The following SNX13 variants were observed in gnomAD, a reference collection of about 807,000 sequenced individuals.
SNX13 encodes the protein sorting nexin-13.
In SNX13, 45 loss-of-function variants were observed where a neutral mutation model predicts 133.6. The observed-to-expected ratio is 0.34, with a 90% CI of 0.27 to 0.43. The LOEUF (loss-of-function observed/expected upper bound fraction) is 0.43. Among genes scored for constraint, SNX13 ranks in the 20% least tolerant of loss-of-function variants. The pLI is 1.00. For synonymous variants in SNX13, 414 were observed against 373.9 expected, an observed-to-expected ratio of 1.11 and a Z score of -1.24; for missense variants, 1,032 against 1,145.1, an observed-to-expected ratio of 0.90 and a Z score of 1.43.
intron 1 of SNX13, among the ~76,000 whole-genome samples, chr7:17,914,852 C>G (rs1377119224): frequency 3.9e-5 from 6 of 152,138 alleles, no homozygotes; most frequent in African/African-American, 1.4e-4. Flanking sequence ...AACACTATGG[C>G]AGGAACAAAA....
At chr7:17,871,310 A>C (rs992074142) in intron 8 of SNX13, among the ~76,000 whole-genome samples, 3 of 152,106 alleles carry the variant, frequency 2.0e-5, no homozygotes, top group Admixed American at 2.0e-4. Flanking sequence ...TGGCCAAGGA[A>C]TCATTCTTAA....
chr7:17,803,335 C>T (rs1784842289), intron 21 of SNX13, 84 bp downstream of exon 21: 7 of 1,286,952 alleles, frequency 5.4e-6, no homozygotes, highest in Non-Finnish European at 7.4e-6. Context: ...GGTTAAGGGA[C>T]TAAGGTAAAT....
rs77063647 is a variant in SNX13, at chr7:17,859,184, C to CA, written c.838-8221dup. 4.6e-5 allele frequency among the ~76,000 whole-genome samples: 7 copies of CA among 151,894 alleles called. No individual in the cohort carries two copies. The East Asian group carries it at 1.2e-3, about 25-fold the overall frequency. On this transcript the variant is annotated intron_variant, in intron 9 of 25. Transcript: ENST00000428135. ...GTCATAACCTAGGGAATAATATCTG[C>CA]AATACATATATCTGATAAAGAACTT...
intron 13 of SNX13, among the ~76,000 whole-genome samples, chr7:17,839,372 T>C (rs926489798): frequency 1.3e-5 from 2 of 151,782 alleles, no homozygotes; most frequent in Non-Finnish European, 2.9e-5. Flanking sequence ...ACTATAACCG[T>C]TGAATTGTCT....
chr7:17,875,624 A>G (rs776096344), intron 6 of SNX13, 43 bp from the exon 7 acceptor site: 1 of 1,607,650 alleles, frequency 6.2e-7, no homozygotes, highest in Non-Finnish European at 8.5e-7. Flanking sequence ...ATGAAAGGAA[A>G]ACAGATTTTC....
At chr7:17,896,672 A>G (rs139317831) in intron 2 of SNX13, among the ~76,000 whole-genome samples, 5 of 152,252 alleles carry the variant, frequency 3.3e-5, no homozygotes, top group Non-Finnish European at 7.4e-5. Flanking sequence ...CATTTCAACT[A>G]AGCTATTTTG....
intron 1 of SNX13, among the ~76,000 whole-genome samples, chr7:17,904,471 A>G (rs1305095937): frequency 6.6e-6 from 1 of 152,182 alleles, no homozygotes; most frequent in Non-Finnish European, 1.5e-5. Flanking sequence ...TCAGGTGTAG[A>G]TTATCCTGGT....
At chr7:17,806,371 T>G (rs1785299599) in intron 20 of SNX13, among the ~76,000 whole-genome samples, 1 of 152,228 alleles carries the variant, frequency 6.6e-6, no homozygotes, top group African/African-American at 2.4e-5. Context: ...AAGTTCTGAA[T>G]AGCCATTGAT....
intron 15 of SNX13, chr7:17,831,404 C>T (rs1485817805): frequency 1.2e-6 from 1 of 860,568 alleles, no homozygotes; most frequent in African/African-American, 1.8e-5. Flanking sequence ...AAAATAATTT[C>T]ATAACTAAAG....
At position 17,940,463 on chromosome 7, in the gene SNX13, T is replaced by G; in HGVS notation, c.-168A>C. On this transcript the variant is annotated 5_prime_UTR_variant, in exon 1 of 26. Coordinates refer to ENST00000428135, the MANE Select transcript of SNX13 (RefSeq NM_015132.5). ...GCTGGCCTCCCCTCGGCCCGGTCGC[T>G]CGCGACGGACGCGCCGCCATCTTGG... The G allele has an allele frequency of 1.3e-6, 1 of 767,048 alleles. No homozygotes were observed. The highest frequency in any genetic ancestry group is 1.5e-5 in the South Asian group (1 of 68,768). 47.5% of individuals were successfully genotyped at this position (767,048 alleles called of 1,614,324 possible).
chr7:17,851,053 C>T (rs1024096340), intron 9 of SNX13, 89 bp from the exon 10 acceptor site: 2 of 1,308,194 alleles, frequency 1.5e-6, no homozygotes, highest in Admixed American at 2.7e-5. Context: ...TGTGCTAGGA[C>T]AATTTGCTAC....
At chr7:17,927,291 A>G (rs556514169) in intron 1 of SNX13, among the ~76,000 whole-genome samples, 1 of 151,790 alleles carries the variant, frequency 6.6e-6, no homozygotes, top group East Asian at 1.9e-4. Context: ...TGCCCAGGCT[A>G]GAGTGCAGTG....
At chr7:17,876,991 A>G (rs907890651) in intron 5 of SNX13, among the ~76,000 whole-genome samples, 2 of 148,946 alleles carry the variant, frequency 1.3e-5, no homozygotes, top group African/African-American at 5.0e-5. Context: ...GTAATTACCC[A>G]CACATACAAT....
chr7:17,914,707 C>T (rs923876291), intron 1 of SNX13, among the ~76,000 whole-genome samples: 7 of 152,170 alleles, frequency 4.6e-5, no homozygotes, highest in Non-Finnish European at 1.0e-4. Flanking sequence ...ACTGGCCCTA[C>T]AAGAGAAGCT....
chr7:17,839,522 C>A (rs1251481881), intron 13 of SNX13, among the ~76,000 whole-genome samples: 4 of 151,772 alleles, frequency 2.6e-5, no homozygotes, highest in Non-Finnish European at 5.9e-5. Context: ...TTTACTTTTG[C>A]ATGGTTTATC....
chr7:17,850,220 C>G, intron 11 of SNX13, 127 bp downstream of exon 11: 1 of 433,282 alleles, frequency 2.3e-6, no homozygotes, highest in East Asian at 3.7e-5. Flanking sequence ...AGAGAAAACT[C>G]TTTTTAAAGT....
chr7:17,880,945 A>G (rs1437219712), intron 5 of SNX13: 2 of 152,152 alleles, frequency 1.3e-5, no homozygotes, highest in Non-Finnish European at 2.9e-5. Flanking sequence ...ATATATATGC[A>G]AGGGTCATCT....
chr7:17,811,767 C>A (rs1786056148), intron 20 of SNX13, among the ~76,000 whole-genome samples: 1 of 152,158 alleles, frequency 6.6e-6, no homozygotes, highest in South Asian at 2.1e-4. Flanking sequence ...CTACAGTAGT[C>A]AAAACAGCAT....
intron 20 of SNX13, among the ~76,000 whole-genome samples, chr7:17,805,083 G>C (rs1785040974): frequency 6.6e-6 from 1 of 152,150 alleles, no homozygotes; most frequent in Non-Finnish European, 1.5e-5. Context: ...GACTGTCACA[G>C]TACAACCCAG....
Sources: gnomAD v4.1 joint callset for allele counts (sites outside exome capture counted in the v4.1 genomes callset) on GRCh38, gnomAD v4.1.1 for gene constraint, MANE v1.5 for transcripts, NCBI Gene and HGNC (gene_info 2026-07-23, HGNC 2026-07-21) for gene names.